The following MSRB3 variants were observed in gnomAD, a reference collection of about 807,000 sequenced individuals.
MSRB3 encodes the protein methionine-R-sulfoxide reductase B3.
A neutral mutation model predicts 21.0 loss-of-function variants in MSRB3; 13 were observed. The ratio of observed to expected loss-of-function variants is 0.62; its 90% CI spans 0.40 to 0.98. MSRB3 has a LOEUF of 0.98. MSRB3 is among the 50% of genes least tolerant of loss of function. The pLI is 0.00. For missense variants in MSRB3, 199 were observed against 230.3 expected (o/e 0.86, Z 0.88); for synonymous variants, 87 against 88.6 (o/e 0.98, Z 0.10).
At chr12:65,331,321 AAATTCTAAAG>A (rs1197569579) in intron 4 of MSRB3, among the ~76,000 whole-genome samples, 2 of 152,226 alleles carry the variant, frequency 1.3e-5, no homozygotes, top group Non-Finnish European at 2.9e-5. Flanking sequence ...AAATGAAAAG[AAATTCTAAAG>A]AATACAGGAA....
At chr12:65,296,533 G>A (rs1161245177) in intron 1 of MSRB3, among the ~76,000 whole-genome samples, 1 of 152,164 alleles carries the variant, frequency 6.6e-6, no homozygotes, top group African/African-American at 2.4e-5. Context: ...GAGGATCTTA[G>A]AGAGTAACTA....
At chr12:65,362,771 G>T (rs1414278933) in intron 4 of MSRB3, among the ~76,000 whole-genome samples, 1 of 152,118 alleles carries the variant, frequency 6.6e-6, no homozygotes, top group African/African-American at 2.4e-5. Flanking sequence ...ATAGTAGAGT[G>T]GGGGAGGGAG....
chr12:65,400,795 A>T (rs1880084122), intron 5 of MSRB3, among the ~76,000 whole-genome samples: 1 of 152,126 alleles, frequency 6.6e-6, no homozygotes, highest in South Asian at 2.1e-4. Context: ...TGTCCCAGAG[A>T]TTCTGGTACA....
intron 5 of MSRB3, among the ~76,000 whole-genome samples, chr12:65,438,701 G>A (rs538567697): frequency 6.6e-6 from 1 of 151,926 alleles, no homozygotes; most frequent in African/African-American, 2.4e-5. Flanking sequence ...TTTTACTTGG[G>A]TGGGAGGAAA....
At chr12:65,402,034 G>T (rs1161035642) in intron 5 of MSRB3, among the ~76,000 whole-genome samples, 1 of 152,110 alleles carries the variant, frequency 6.6e-6, no homozygotes, top group South Asian at 2.1e-4. Context: ...CTCTCTGGCT[G>T]CCCTTAACAT....
At chr12:65,419,289 G>A (rs956961376) in intron 5 of MSRB3, 2 of 746,584 alleles carry the variant, frequency 2.7e-6, no homozygotes, top group Non-Finnish European at 4.9e-6. Flanking sequence ...TCTTGGCAAG[G>A]TCCTGAGATT....
rs543299056 is a variant in MSRB3 at position 65,418,681 on chromosome 12, T to C, written c.293-35047T>C. On this transcript the variant is annotated intron_variant, in intron 5 of 6. Transcript: ENST00000308259. ...TTTTTTTTAACCTCTGAACTTTTTA[T>C]TGGCTTCCAGCTCCCCAGAGAGTAC... 1.0e-5 allele frequency: 7 copies of C among 696,724 alleles called. No individual in the cohort carries two copies. The East Asian group carries it at 1.5e-4, about 15-fold the overall frequency. 43.2% of individuals were successfully genotyped at this position (696,724 alleles called of 1,614,324 possible).
intron 5 of MSRB3, among the ~76,000 whole-genome samples, chr12:65,376,182 C>T (rs1878608371): frequency 6.7e-6 from 1 of 148,916 alleles, no homozygotes; most frequent in South Asian, 2.1e-4. Flanking sequence ...TGCAGTGGCG[C>T]CGTCTCGGCT....
At chr12:65,362,523 G>C (rs897971048) in intron 4 of MSRB3, among the ~76,000 whole-genome samples, 1 of 152,100 alleles carries the variant, frequency 6.6e-6, no homozygotes, top group Non-Finnish European at 1.5e-5. Context: ...CTGTTTTTAA[G>C]ACAGGCTATT....
chr12:65,360,269 G>C (rs1187273467), intron 4 of MSRB3, among the ~76,000 whole-genome samples: 1 of 152,080 alleles, frequency 6.6e-6, no homozygotes, highest in African/African-American at 2.4e-5. Context: ...CCAATAACAT[G>C]AAGGTATACT....
chr12:65,434,990 C>A (rs1170016450), intron 5 of MSRB3, among the ~76,000 whole-genome samples: 2 of 151,744 alleles, frequency 1.3e-5, no homozygotes, highest in South Asian at 2.1e-4. Context: ...AATGGTGAGG[C>A]TCCAAGTTTT....
intron 6 of MSRB3, among the ~76,000 whole-genome samples, chr12:65,455,163 A>G (rs1592653181): frequency 6.6e-6 from 1 of 151,554 alleles, no homozygotes; most frequent in East Asian, 2.0e-4. Flanking sequence ...CAAAATGTTT[A>G]GGGAGTAGGT....
At chr12:65,357,371 T>TA (rs1877446922) in intron 4 of MSRB3, among the ~76,000 whole-genome samples, 1 of 151,932 alleles carries the variant, frequency 6.6e-6, no homozygotes, top group South Asian at 2.1e-4. Context: ...TTTGGCTTTT[T>TA]AAAAAATCGA....
At chr12:65,316,342 AGGGAGAAGAAATT>A (rs1565828890) in intron 2 of MSRB3, 1 of 152,136 alleles carries the variant, frequency 6.6e-6, no homozygotes, top group Non-Finnish European at 1.5e-5. Flanking sequence ...CCTTGTTGTA[AGGGAGAAGAAATT>A]GGGGAAAAAA....
intron 1 of MSRB3, among the ~76,000 whole-genome samples, chr12:65,292,667 C>A (rs1383794228): frequency 6.6e-6 from 1 of 151,722 alleles, no homozygotes; most frequent in Non-Finnish European, 1.5e-5. Context: ...AATCAACTGT[C>A]CACATCTACC....
At chr12:65,374,156 TAC>T (rs1878469934) in intron 5 of MSRB3, among the ~76,000 whole-genome samples, 1 of 152,232 alleles carries the variant, frequency 6.6e-6, no homozygotes, top group Admixed American at 6.5e-5. Flanking sequence ...TTTTTAGCCA[TAC>T]AGTTTAATTT....
At chr12:65,311,975 G>GT (rs1006469875) in intron 2 of MSRB3, among the ~76,000 whole-genome samples, 6 of 151,940 alleles carry the variant, frequency 3.9e-5, no homozygotes, top group African/African-American at 1.4e-4. Context: ...GTTCACTCAT[G>GT]TTTGCAATTA....
chr12:65,322,668 A>G (rs1293023802), intron 2 of MSRB3, among the ~76,000 whole-genome samples: 1 of 151,264 alleles, frequency 6.6e-6, no homozygotes, highest in Non-Finnish European at 1.5e-5. Flanking sequence ...CTCAAAAAAA[A>G]AAAAAAAAAA....
intron 1 of MSRB3, chr12:65,279,197 G>C: frequency 3.4e-6 from 2 of 589,672 alleles, no homozygotes; most frequent in Non-Finnish European, 4.8e-6. Flanking sequence ...CCAGGAGAGA[G>C]GGATCTGGCG....
Sources: gnomAD v4.1 joint callset for allele counts (sites outside exome capture counted in the v4.1 genomes callset) on GRCh38, gnomAD v4.1.1 for gene constraint, MANE v1.5 for transcripts, NCBI Gene and HGNC (gene_info 2026-07-23, HGNC 2026-07-21) for gene names.